Variants in SBF2 observed in about 807,000 individuals in gnomAD.
SBF2 encodes the protein SET binding factor 2.
In SBF2, 112 loss-of-function variants were observed where a neutral mutation model predicts 225.2. The ratio of observed to expected loss-of-function variants is 0.50; its 90% CI spans 0.43 to 0.58. The LOEUF is 0.58. SBF2 is among the 20% of genes least tolerant of loss of function. The pLI, the probability that SBF2 is intolerant of heterozygous loss-of-function variation, is 0.00. For synonymous variants in SBF2, 763 were observed against 773.3 expected, an observed-to-expected ratio of 0.99 and a Z score of 0.22; for missense variants, 1,996 against 2,206.2, an observed-to-expected ratio of 0.90 and a Z score of 1.91.
chr11:9,920,182 A>ATGCGTGTG, intron 16 of SBF2, among the ~76,000 whole-genome samples: 1 of 147,174 alleles, frequency 6.8e-6, no homozygotes, highest in South Asian at 2.2e-4. Context: ...CAAATACTAT[A>ATGCGTGTG]TGTGTGTGTG....
intron 1 of SBF2, among the ~76,000 whole-genome samples, chr11:10,206,772 T>A (rs892480361): frequency 6.6e-6 from 1 of 151,864 alleles, no homozygotes; most frequent in Non-Finnish European, 1.5e-5. Context: ...TGAGGTGAAA[T>A]CAGTAGAATT....
At chr11:9,869,297 T>C (rs1012087481) in intron 17 of SBF2, among the ~76,000 whole-genome samples, 1 of 152,136 alleles carries the variant, frequency 6.6e-6, no homozygotes, top group African/African-American at 2.4e-5. Flanking sequence ...AAAAAATCTA[T>C]CCATAAGAGT....
chr11:10,049,531 T>C (rs1399317947), intron 2 of SBF2, among the ~76,000 whole-genome samples: 1 of 152,042 alleles, frequency 6.6e-6, no homozygotes, highest in Non-Finnish European at 1.5e-5. Context: ...CGCTTGAACC[T>C]GGGAGGCGGA....
intron 16 of SBF2, among the ~76,000 whole-genome samples, chr11:9,913,178 G>A (rs1238542567): frequency 2.0e-5 from 3 of 152,196 alleles, no homozygotes; most frequent in African/African-American, 7.2e-5. Flanking sequence ...CAGCTATTCA[G>A]GAGGTTGAGG....
intron 16 of SBF2, among the ~76,000 whole-genome samples, chr11:9,928,577 T>G (rs1590488446): frequency 6.6e-6 from 1 of 152,130 alleles, no homozygotes; most frequent in Non-Finnish European, 1.5e-5. Flanking sequence ...TACTATAGGG[T>G]CCAGCCAATA....
intron 1 of SBF2, among the ~76,000 whole-genome samples, chr11:10,223,859 T>C (rs919054886): frequency 2.0e-5 from 3 of 152,104 alleles, no homozygotes; most frequent in African/African-American, 4.8e-5. Context: ...TTTAAGCAGA[T>C]ACTCGCAAGA....
At chr11:9,860,976 T>C (rs933362055) in intron 17 of SBF2, among the ~76,000 whole-genome samples, 1 of 152,190 alleles carries the variant, frequency 6.6e-6, no homozygotes, top group African/African-American at 2.4e-5. Context: ...TTCACACTGA[T>C]GGTGTATATT....
intron 17 of SBF2, among the ~76,000 whole-genome samples, chr11:9,888,910 G>A (rs938477947): frequency 6.6e-6 from 1 of 152,126 alleles, no homozygotes; most frequent in African/African-American, 2.4e-5. Flanking sequence ...GTTAGATTAG[G>A]TACTGCAAGT....
chr11:10,234,524 A>C (rs1041624683), intron 1 of SBF2, among the ~76,000 whole-genome samples: 2 of 152,126 alleles, frequency 1.3e-5, no homozygotes, highest in African/African-American at 4.8e-5. Flanking sequence ...TTCCTAACCA[A>C]GTCTATTTTT....
chr11:10,144,726 T>C (rs1954810732), intron 2 of SBF2, among the ~76,000 whole-genome samples: 1 of 152,206 alleles, frequency 6.6e-6, no homozygotes. Flanking sequence ...TACATGTTCT[T>C]CTATGCTCAA....
intron 2 of SBF2, among the ~76,000 whole-genome samples, chr11:10,153,432 G>A (rs527252416): frequency 6.6e-6 from 1 of 152,000 alleles, no homozygotes; most frequent in African/African-American, 2.4e-5. Flanking sequence ...AATAACTCAC[G>A]GGTCAAGAAT....
At chr11:9,862,156 C>A (rs1440682920) in intron 17 of SBF2, among the ~76,000 whole-genome samples, 1 of 152,184 alleles carries the variant, frequency 6.6e-6, no homozygotes, top group African/African-American at 2.4e-5. Context: ...AAATCATTAA[C>A]CCCCAAATAC....
At chr11:9,867,486 T>A (rs1858329075) in intron 17 of SBF2, among the ~76,000 whole-genome samples, 1 of 152,114 alleles carries the variant, frequency 6.6e-6, no homozygotes, top group South Asian at 2.1e-4. Flanking sequence ...GTAGTGAGAT[T>A]CCTTAAAAAA....
chr11:9,879,826 G>A (rs1219601970), intron 17 of SBF2, among the ~76,000 whole-genome samples: 2 of 152,020 alleles, frequency 1.3e-5, no homozygotes, highest in Admixed American at 6.6e-5. Flanking sequence ...GTTAGTGTCT[G>A]TAATCCCAGC....
chr11:10,270,272 T>C (rs1441023580), intron 1 of SBF2, among the ~76,000 whole-genome samples: 4 of 152,176 alleles, frequency 2.6e-5, no homozygotes. Flanking sequence ...AAAACTTTAC[T>C]ACTAATAGCC....
intron 2 of SBF2, among the ~76,000 whole-genome samples, chr11:10,145,085 G>A (rs912210810): frequency 2.6e-5 from 4 of 152,184 alleles, no homozygotes; most frequent in Non-Finnish European, 5.9e-5. Context: ...AGCACAAAGA[G>A]GCGATGGCTT....
At chr11:9,865,126 G>A (rs573150885) in intron 17 of SBF2, among the ~76,000 whole-genome samples, 1 of 152,040 alleles carries the variant, frequency 6.6e-6, no homozygotes, top group African/African-American at 2.4e-5. Flanking sequence ...ATGATGCCTA[G>A]GCTGGACAAC....
At chr11:9,965,703 G>A (rs921099323) in intron 14 of SBF2, among the ~76,000 whole-genome samples, 13 of 152,150 alleles carry the variant, frequency 8.5e-5, no homozygotes, top group Admixed American at 3.3e-4. Context: ...TCATAATTAT[G>A]CTTTATTAGG....
intron 1 of SBF2, among the ~76,000 whole-genome samples, chr11:10,228,130 A>G (rs547761818): frequency 4.7e-4 from 71 of 151,856 alleles, no homozygotes; most frequent in Non-Finnish European, 8.4e-4. Flanking sequence ...TTTGTCTGTT[A>G]TTGGTGTATA....
Sources: allele counts gnomAD v4.1 joint callset (sites outside exome capture counted in the v4.1 genomes callset), GRCh38; gene constraint gnomAD v4.1.1; transcripts MANE v1.5; gene names NCBI Gene and HGNC (gene_info 2026-07-23, HGNC 2026-07-21).